PAX7: variants seen among roughly 807,000 people sequenced by gnomAD.
The protein encoded by PAX7 is paired box protein Pax-7.
Under a neutral mutation model 50.7 loss-of-function variants are expected in PAX7, and 18 were observed. The ratio of observed to expected loss-of-function variants is 0.36; its 90% CI spans 0.25 to 0.53. The LOEUF (loss-of-function observed/expected upper bound fraction) is 0.53. PAX7 is among the 20% of genes least tolerant of loss of function. The pLI is 0.93. For synonymous variants in PAX7, 310 were observed against 290.4 expected, an observed-to-expected ratio of 1.07 and a Z score of -0.69; for missense variants, 644 against 702.9, an observed-to-expected ratio of 0.92 and a Z score of 0.95.
chr1:18,716,129 G>A (rs914820119), intron 7 of PAX7, among the ~76,000 whole-genome samples: 1 of 152,110 alleles, frequency 6.6e-6, no homozygotes, highest in South Asian at 2.1e-4. Context: ...CAGTGGGGAC[G>A]GGTGTCCTTG....
rs1420722398 is a variant in PAX7 at position 18,634,336 on chromosome 1, A to G, written c.119A>G (p.Gln40Arg). 6.2e-7 allele frequency: 1 copy of G among 1,613,978 alleles called. No homozygotes were observed. The highest frequency in any genetic ancestry group is 2.2e-5 in the East Asian group (1 of 44,876). The change falls in exon 2 of 9, where the codon CAG becomes CGG. Residue 40 changes from glutamine (Q) to arginine (R), a missense_variant. By Grantham distance (43) the Gln-to-Arg change is conservative. Coordinates refer to ENST00000420770, the MANE Select transcript of PAX7 (RefSeq NM_001135254.2). This position sits in a 1 kb window ranked among gnomAD's most constrained non-coding sequence, Gnocchi z 4.0. Reference protein sequence around the residue: ...STPLGQGRVNQLGGVFINGRP... With the variant: ...STPLGQGRVNRLGGVFINGRP... The stretch of plus-strand genomic sequence containing the variant: ...CCGCTTGGCCAAGGCCGGGTCAATC[A>G]GCTGGGAGGGGTCTTCATCAATGGG...
At chr1:18,744,516 T>TA (rs1931327647) in intron 8 of PAX7, among the ~76,000 whole-genome samples, 2 of 38,240 alleles carry the variant, frequency 5.2e-5, no homozygotes, top group Admixed American at 4.5e-4. Flanking sequence ...AATGGATAAA[T>TA]GAATGAATGG....
chr1:18,641,517 C>G (rs1040913229), intron 4 of PAX7, among the ~76,000 whole-genome samples: 1 of 152,232 alleles, frequency 6.6e-6, no homozygotes, highest in African/African-American at 2.4e-5. Context: ...GGGTGGGGTC[C>G]CCCGCTGCGA....
intron 7 of PAX7, among the ~76,000 whole-genome samples, chr1:18,731,412 A>G (rs1481978497): frequency 6.6e-6 from 1 of 152,052 alleles, no homozygotes; most frequent in Non-Finnish European, 1.5e-5. Context: ...GGGACCCGGG[A>G]GACCTGGGTG....
intron 7 of PAX7, among the ~76,000 whole-genome samples, chr1:18,716,577 G>T (rs1021900434): frequency 6.8e-6 from 1 of 147,522 alleles, no homozygotes; most frequent in Admixed American, 6.8e-5. Flanking sequence ...CTCCCTTCGC[G>T]CCCCATTTCC....
intron 4 of PAX7, among the ~76,000 whole-genome samples, chr1:18,657,692 T>C (rs2088542420): frequency 6.6e-6 from 1 of 152,156 alleles, no homozygotes; most frequent in African/African-American, 2.4e-5. Flanking sequence ...GGCTGCCTTT[T>C]AGGATCTGCG....
intron 4 of PAX7, among the ~76,000 whole-genome samples, chr1:18,667,006 G>T (rs562319392): frequency 5.3e-5 from 8 of 152,234 alleles, no homozygotes; most frequent in African/African-American, 1.9e-4. Flanking sequence ...TCCCTGAGAC[G>T]CTCCGTAGCT....
At chr1:18,723,817 G>C (rs1376913289) in intron 7 of PAX7, among the ~76,000 whole-genome samples, 1 of 152,192 alleles carries the variant, frequency 6.6e-6, no homozygotes, top group Non-Finnish European at 1.5e-5. Context: ...CTGGCTGAGG[G>C]GGAGAGAGGG....
Position 18,703,192 on chromosome 1 carries a change from G to A in PAX7, c.1051G>A (p.Ala351Thr). ...AAAAAADTSS[A>T]YGARHSFSSY... ...GGCTGCAGCCGCCGACACCAGCTCT[G>A]CCTACGGAGCCCGCCACAGCTTCTC... The change falls in exon 7 of 9, where the codon GCC becomes ACC. Residue 351 changes from alanine (A) to threonine (T), a missense_variant. Coordinates refer to ENST00000420770, the MANE Select transcript of PAX7 (RefSeq NM_001135254.2). 6.2e-7 allele frequency: 1 copy of A among 1,613,684 alleles called. No homozygotes were observed. Among genetic ancestry groups the A allele is most frequent in the South Asian group, 1.1e-5 (1 of 91,084 alleles).
intron 4 of PAX7, among the ~76,000 whole-genome samples, chr1:18,639,087 G>C (rs961876053): frequency 2.6e-5 from 4 of 152,180 alleles, no homozygotes; most frequent in African/African-American, 9.7e-5. Flanking sequence ...GCACTAAAGA[G>C]AGATCCCTCC....
rs140955953 is a variant in PAX7, at chr1:18,699,487, C to T, written c.787-1166C>T. 7.4e-3 allele frequency among the ~76,000 whole-genome samples: 1,127 copies of T among 152,172 alleles called. 10 individuals are homozygous for T. Among genetic ancestry groups the T allele is most frequent in the Non-Finnish European group, 0.013 (877 of 67,990 alleles). On this transcript the variant is annotated intron_variant, in intron 5 of 8. Transcript: ENST00000420770. ...CCCCTCAAGGCAGCCCCAGTGTGCA[C>T]CCTCATTCTCCTCTTTCTCTGACCT...
intron 7 of PAX7, among the ~76,000 whole-genome samples, chr1:18,706,601 G>A (rs2089286466): frequency 6.6e-6 from 1 of 151,208 alleles, no homozygotes. Flanking sequence ...TCCTGTCTTC[G>A]CCTCCTGAGC....
chr1:18,639,352 T>A (rs1005791272), intron 4 of PAX7, among the ~76,000 whole-genome samples: 2 of 152,164 alleles, frequency 1.3e-5, no homozygotes, highest in South Asian at 4.1e-4. Context: ...TCTGAACAGC[T>A]CACTCCTGCT....
At chr1:18,738,142 C>CTG (rs374135110) in intron 8 of PAX7, among the ~76,000 whole-genome samples, 6,511 of 149,684 alleles carry the variant, frequency 0.043, 198 homozygotes, top group Middle Eastern at 0.065. Flanking sequence ...GTGTGTATAA[C>CTG]TGTGTGTGTG....
rs1286012887 is a variant in PAX7 at position 18,635,304 on chromosome 1, C to T, written c.451+64C>T. On this transcript the variant is annotated intron_variant, in intron 3 of 8. Transcript: ENST00000420770. ...GTGGCCAGGGGTCCAGTGTGGAGGG[C>T]TGGAGGTGGGAGAGAGGGGAGAGGA... 4 of 1,581,314 alleles carry T rather than the reference C, an allele frequency of 2.5e-6. No individual in the cohort carries two copies. The African/African-American group carries it at 5.4e-5, about 21-fold the overall frequency.
In PAX7 at chr1:18,632,170, ACGG is replaced by A. The variant is rs2088065720; in HGVS notation, c.85+484_85+486del. On this transcript the variant is annotated intron_variant, in intron 1 of 8. Coordinates refer to ENST00000420770, the MANE Select transcript of PAX7 (RefSeq NM_001135254.2). This position sits in a 1 kb window ranked among gnomAD's most constrained non-coding sequence, Gnocchi z 6.3. ...TGATACTTTATATGCCTCAACTACCACGGCTATCCATTTCTTCCGAAGCCACAG... is the reference window on the plus strand; with the variant it reads ...TGATACTTTATATGCCTCAACTACCACTATCCATTTCTTCCGAAGCCACAG... Among the ~76,000 whole-genome samples, 1 of 152,062 alleles carries A rather than the reference ACGG, an allele frequency of 6.6e-6. No homozygotes were observed. The highest frequency in any genetic ancestry group is 2.1e-4 in the South Asian group (1 of 4,826).
At chr1:18,672,595 TG>T (rs1312710937) in intron 4 of PAX7, among the ~76,000 whole-genome samples, 1 of 143,058 alleles carries the variant, frequency 7.0e-6, no homozygotes, top group Non-Finnish European at 1.5e-5. Context: ...GAGAGCACTG[TG>T]TTTTTTTTTT....
At chr1:18,704,787 T>C (rs2089263572) in intron 7 of PAX7, among the ~76,000 whole-genome samples, 1 of 152,172 alleles carries the variant, frequency 6.6e-6, no homozygotes, top group African/African-American at 2.4e-5. Context: ...TTTGCCTCCA[T>C]TAATTTGTGT....
chr1:18,740,322 C>CA (rs1931060528), intron 8 of PAX7, among the ~76,000 whole-genome samples: 1 of 152,162 alleles, frequency 6.6e-6, no homozygotes, highest in African/African-American at 2.4e-5. Context: ...CAGGGCCTGG[C>CA]AAGCTCCTAC....
Sources: allele counts gnomAD v4.1 joint callset (sites outside exome capture counted in the v4.1 genomes callset), GRCh38; gene constraint gnomAD v4.1.1; non-coding constraint Gnocchi (gnomAD v3.1); transcripts MANE v1.5; gene names NCBI Gene and HGNC (gene_info 2026-07-23, HGNC 2026-07-21).